The following MGAT4C variants were observed in gnomAD, a reference collection of about 807,000 sequenced individuals.
MGAT4C encodes MGAT4 family member C, also known as alpha-1,3-mannosyl-glycoprotein 4-beta-N-acetylglucosaminyltransferase C.
A neutral mutation model predicts 40.1 loss-of-function variants in MGAT4C; 19 were observed. The observed-to-expected ratio is 0.47, with a 90% CI of 0.33 to 0.70. The LOEUF (loss-of-function observed/expected upper bound fraction) is 0.70, where lower values mean the gene tolerates loss of function less well. Among genes scored for constraint, MGAT4C ranks in the 30% least tolerant of loss-of-function variants. MGAT4C has a pLI of 0.02. For synonymous variants in MGAT4C, 181 were observed against 187.1 expected, an observed-to-expected ratio of 0.97 and a Z score of 0.27; for missense variants, 491 against 563.2, an observed-to-expected ratio of 0.87 and a Z score of 1.30.
intron 1 of MGAT4C, among the ~76,000 whole-genome samples, chr12:86,054,574 A>G (rs775507067): frequency 3.9e-5 from 6 of 152,068 alleles, no homozygotes; most frequent in Non-Finnish European, 7.4e-5. Context: ...AGACTGAAAA[A>G]TGATAAGCAT....
At chr12:86,071,673 A>G (rs535156265) in intron 1 of MGAT4C, among the ~76,000 whole-genome samples, 1 of 152,144 alleles carries the variant, frequency 6.6e-6, no homozygotes, top group Non-Finnish European at 1.5e-5. Flanking sequence ...ATAGCTTTAC[A>G]TATTTTAAAT....
At chr12:86,033,231 G>A (rs1489918316) in intron 2 of MGAT4C, among the ~76,000 whole-genome samples, 1 of 149,314 alleles carries the variant, frequency 6.7e-6, no homozygotes, top group Non-Finnish European at 1.5e-5. Context: ...TGCTTAGGAT[G>A]GCCTTAGCTA....
intron 1 of MGAT4C, among the ~76,000 whole-genome samples, chr12:86,737,681 A>G (rs1951008823): frequency 1.3e-5 from 2 of 151,392 alleles, no homozygotes; most frequent in Admixed American, 1.3e-4. Flanking sequence ...AGAGACCTTC[A>G]CATCCACCCC....
At chr12:86,114,386 G>A (rs536606271) in intron 1 of MGAT4C, among the ~76,000 whole-genome samples, 20 of 151,908 alleles carry the variant, frequency 1.3e-4, no homozygotes, top group Non-Finnish European at 2.5e-4. Context: ...AACAATCTGT[G>A]TTAACTCTTC....
chr12:86,797,261 A>G lies in MGAT4C; in HGVS notation c.-262+41405T>C, dbSNP rs557794054. On this transcript the variant is annotated intron_variant, in intron 1 of 7. Coordinates refer to the MGAT4C transcript ENST00000548651. The stretch of plus-strand genomic sequence containing the variant: ...AATTTCAAGCGCCTTCCCATTATAA[A>G]AAAATAAATAACAATAAAAGCCATT... Among the ~76,000 whole-genome samples, 3 of 152,050 alleles carry G rather than the reference A, an allele frequency of 2.0e-5. No individual in the cohort carries two copies. In the East Asian group the frequency reaches 5.8e-4, roughly 29 times the overall value.
intron 1 of MGAT4C, among the ~76,000 whole-genome samples, chr12:86,777,411 C>T (rs932836655): frequency 6.6e-6 from 1 of 152,102 alleles, no homozygotes; most frequent in Non-Finnish European, 1.5e-5. Flanking sequence ...AATTTGTTTG[C>T]AGATAATTTA....
chr12:85,960,732 T>C lies in MGAT4C; in HGVS notation c.*18557A>G, dbSNP rs1211028898. 1 of 151,896 alleles carries C rather than the reference T, an allele frequency of 6.6e-6. No individual in the cohort carries two copies. Among genetic ancestry groups the C allele is most frequent in the South Asian group, 2.1e-4 (1 of 4,824 alleles). The allele number at this position is 151,896 out of a possible 1,614,324, so 9.4% of individuals were successfully genotyped here. On this transcript the variant is annotated 3_prime_UTR_variant, in exon 5 of 5. Coordinates refer to ENST00000611864, the MANE Select transcript of MGAT4C (RefSeq NM_001351288.2). ...CATGAACAACTCTAGATAATTTTTG[T>C]TTATTTGGATATAACGTGAATGGGC...
intron 2 of MGAT4C, among the ~76,000 whole-genome samples, chr12:86,008,238 G>T (rs528014208): frequency 3.3e-5 from 5 of 151,998 alleles, no homozygotes; most frequent in Non-Finnish European, 7.4e-5. Flanking sequence ...TTGAGAATTT[G>T]CTGGTTGTAC....
At chr12:86,203,097 C>T (rs1950110433) in intron 1 of MGAT4C, among the ~76,000 whole-genome samples, 2 of 151,148 alleles carry the variant, frequency 1.3e-5, no homozygotes, top group African/African-American at 4.9e-5. Flanking sequence ...TGCACATGGT[C>T]AATGTTATCT....
chr12:86,344,717 GGTGTGTGTGTGTGTGT>G (rs71076188), intron 3 of MGAT4C, among the ~76,000 whole-genome samples: 19 of 139,520 alleles, frequency 1.4e-4, no homozygotes, highest in African/African-American at 2.4e-4. Context: ...ATCTCTTCTC[GGTGTGTGTGTGTGTGT>G]GTGTGTGTGT....
intron 1 of MGAT4C, among the ~76,000 whole-genome samples, chr12:86,213,034 G>C (rs1950544080): frequency 6.6e-6 from 1 of 150,982 alleles, no homozygotes; most frequent in Non-Finnish European, 1.5e-5. Context: ...TGTAGATTCA[G>C]CTTGCCATAT....
At chr12:86,412,348 C>A (rs2136246750) in intron 3 of MGAT4C, among the ~76,000 whole-genome samples, 1 of 152,320 alleles carries the variant, frequency 6.6e-6, no homozygotes, top group African/African-American at 2.4e-5. Flanking sequence ...GCCATAGGGG[C>A]TGAGCCATGT....
intron 3 of MGAT4C, among the ~76,000 whole-genome samples, chr12:86,412,749 A>G (rs1956630707): frequency 6.6e-6 from 1 of 152,156 alleles, no homozygotes; most frequent in Admixed American, 6.6e-5. Context: ...ATTTGAGAAG[A>G]ACATGAGATT....
At chr12:86,795,004 T>C (rs1489987400) in intron 1 of MGAT4C, among the ~76,000 whole-genome samples, 1 of 151,900 alleles carries the variant, frequency 6.6e-6, no homozygotes, top group Non-Finnish European at 1.5e-5. Flanking sequence ...CAATAAATCA[T>C]AGAAATATAT....
At chr12:86,015,005 G>A (rs1407109414) in intron 2 of MGAT4C, among the ~76,000 whole-genome samples, 1 of 146,878 alleles carries the variant, frequency 6.8e-6, no homozygotes, top group Non-Finnish European at 1.5e-5. Flanking sequence ...GAGAGGTGGG[G>A]TTTTGCCATG....
At chr12:86,830,606 A>T (rs2089346479) in intron 1 of MGAT4C, among the ~76,000 whole-genome samples, 1 of 151,828 alleles carries the variant, frequency 6.6e-6, no homozygotes, top group South Asian at 2.1e-4. Flanking sequence ...CAATCTACAT[A>T]ATGGTAGGAC....
chr12:86,488,267 A>T, intron 2 of MGAT4C, among the ~76,000 whole-genome samples: 1 of 151,736 alleles, frequency 6.6e-6, no homozygotes, highest in Non-Finnish European at 1.5e-5. Context: ...AAAAAAAAAA[A>T]ATAGAAAAAT....
At chr12:86,042,156 C>T (rs904501508) in intron 2 of MGAT4C, among the ~76,000 whole-genome samples, 1 of 152,156 alleles carries the variant, frequency 6.6e-6, no homozygotes, top group Non-Finnish European at 1.5e-5. Flanking sequence ...TTTTCCATTT[C>T]CTTGGCAGAT....
chr12:86,732,865 T>C (rs1446151097), intron 1 of MGAT4C, among the ~76,000 whole-genome samples: 2 of 151,330 alleles, frequency 1.3e-5, no homozygotes, highest in Non-Finnish European at 2.9e-5. Context: ...AGATTAACCA[T>C]TCAGCCATAC....
Sources: allele counts gnomAD v4.1 joint callset (sites outside exome capture counted in the v4.1 genomes callset), GRCh38; gene constraint gnomAD v4.1.1; transcripts MANE v1.5; gene names NCBI Gene and HGNC (gene_info 2026-07-23, HGNC 2026-07-21).